The following SLC6A7 variants were observed in gnomAD, a reference collection of about 807,000 sequenced individuals.
SLC6A7 encodes the protein sodium-dependent proline transporter.
SLC6A7 carries 58 observed loss-of-function variants against 73.1 expected under a neutral mutation model. That is an observed-to-expected ratio of 0.79 (90% CI 0.64 to 0.99). The LOEUF (loss-of-function observed/expected upper bound fraction) is 0.99, where lower values mean the gene tolerates loss of function less well. Ranked by LOEUF, SLC6A7 falls within the 50% of genes least tolerant of loss-of-function variation. The probability of loss-of-function intolerance (pLI) is 0.00; values close to 1 mark genes in which losing one functional copy is unlikely to be tolerated. For synonymous variants in SLC6A7, 338 were observed against 338.7 expected (o/e 1.00, Z 0.02); for missense variants, 783 against 831.4 (o/e 0.94, Z 0.72).
At chr5:150,192,916 G>A (rs938129086) in intron 1 of SLC6A7, among the ~76,000 whole-genome samples, 1 of 152,168 alleles carries the variant, frequency 6.6e-6, no homozygotes, top group South Asian at 2.1e-4. Context: ...CATTCCTCCC[G>A]GAGCTCACCT....
intron 1 of SLC6A7, among the ~76,000 whole-genome samples, chr5:150,192,555 G>A (rs1481921283): frequency 6.6e-6 from 1 of 152,190 alleles, no homozygotes; most frequent in Non-Finnish European, 1.5e-5. Context: ...TCCTCACTGT[G>A]CCAGCCTCCT....
chr5:150,203,199 G>A (rs1030506080), intron 8 of SLC6A7, among the ~76,000 whole-genome samples: 7 of 152,196 alleles, frequency 4.6e-5, no homozygotes, highest in African/African-American at 1.2e-4. Context: ...GTGAGCAAAC[G>A]AGTGTGCATT....
At chr5:150,198,811 G>GGTGTGTGTGTGT (rs774414750) in intron 4 of SLC6A7, among the ~76,000 whole-genome samples, 87 of 112,086 alleles carry the variant, frequency 7.8e-4, no homozygotes, top group Non-Finnish European at 1.2e-3. Flanking sequence ...GGCCCTGGAT[G>GGTGTGTGTGTGT]GTGTGTGTGT....
chr5:150,203,486 A>G (rs1276824748), intron 8 of SLC6A7, among the ~76,000 whole-genome samples, 181 bp from the exon 9 acceptor site: 1 of 152,210 alleles, frequency 6.6e-6, no homozygotes, highest in Admixed American at 6.5e-5. Context: ...TCGAGCACCT[A>G]CAATGTGCTG....
rs1288836063 is a variant in SLC6A7 at position 150,202,461 on chromosome 5, C to T, written c.962+11C>T. The T allele has an allele frequency of 1.2e-6, 2 of 1,612,454 alleles. No individual in the cohort carries two copies. The highest frequency in any genetic ancestry group is 2.2e-5 in the South Asian group (2 of 91,034). On this transcript the variant is annotated intron_variant, in intron 7 of 13. Coordinates refer to ENST00000230671, the MANE Select transcript of SLC6A7 (RefSeq NM_014228.5). ...CCAGAACATCTATAGGTCAGTGTCCCACAGCCTCCCAGACCCTGGGGTCCA... is the reference window on the plus strand; with the variant it reads ...CCAGAACATCTATAGGTCAGTGTCCTACAGCCTCCCAGACCCTGGGGTCCA...
rs776085294 is a variant in SLC6A7 at position 150,203,792 on chromosome 5, T to G, written c.1200+13T>G. Reference sequence around the variant, plus strand: ...CCTAGATAGCCAGGTGAGTCTCGTCTGTGGCAGCAGGCACCCCGTGTGTGT... The same window carrying G: ...CCTAGATAGCCAGGTGAGTCTCGTCGGTGGCAGCAGGCACCCCGTGTGTGT... On this transcript the variant is annotated intron_variant, in intron 9 of 13. Coordinates refer to ENST00000230671, the MANE Select transcript of SLC6A7 (RefSeq NM_014228.5). 3 of 1,557,034 alleles carry G rather than the reference T, an allele frequency of 1.9e-6. No homozygotes were observed. In the South Asian group the frequency reaches 3.3e-5, roughly 17 times the overall value.
At chr5:150,191,086 T>C (rs1341003390) in intron 1 of SLC6A7, among the ~76,000 whole-genome samples, 1 of 152,218 alleles carries the variant, frequency 6.6e-6, no homozygotes, top group Non-Finnish European at 1.5e-5. Context: ...GGACGTTTTC[T>C]GGCTTGTACC....
chr5:150,190,343 G>A lies in SLC6A7; in HGVS notation c.16G>A (p.Gly6Arg). 6.6e-7 allele frequency: 1 copy of A among 1,508,542 alleles called. No homozygotes were observed. Among genetic ancestry groups the A allele is most frequent in the Non-Finnish European group, 8.9e-7 (1 of 1,129,850 alleles). 93.4% of individuals were successfully genotyped at this position (1,508,542 alleles called of 1,614,324 possible). The change falls in exon 1 of 14, where the codon GGA becomes AGA. Residue 6 changes from glycine (G) to arginine (R), a missense_variant. By Grantham distance (125) the Gly-to-Arg change is moderately radical. Transcript: ENST00000230671. MKKLQGAHLRKPVTPD... is the reference protein window; with the variant it reads MKKLQRAHLRKPVTPD... ...GCTCTCCAAGATGAAGAAGCTCCAGGGAGCTCACCTCCGCAAGGTAGGGCA... is the reference window on the plus strand; with the variant it reads ...GCTCTCCAAGATGAAGAAGCTCCAGAGAGCTCACCTCCGCAAGGTAGGGCA...
At position 150,202,669 on chromosome 5, in the gene SLC6A7, G is replaced by C; in HGVS notation, c.1053G>C (p.Glu351Asp). 6.2e-7 allele frequency: 1 copy of C among 1,614,214 alleles called. No homozygotes were observed. Among genetic ancestry groups the C allele is most frequent in the Non-Finnish European group, 8.5e-7 (1 of 1,180,036 alleles). Residue 351 changes from glutamate to aspartate, a missense_variant, in exon 8 of 14, where the codon GAG becomes GAC. By Grantham distance (45) the Glu-to-Asp change is conservative (BLOSUM62 2). Coordinates refer to ENST00000230671, the MANE Select transcript of SLC6A7 (RefSeq NM_014228.5). ...IFSVLGYMSQELGVPVDQVAK... is the reference protein window; with the variant it reads ...IFSVLGYMSQDLGVPVDQVAK... Reference sequence around the variant, plus strand: ...CCGTGCTGGGCTACATGTCTCAGGAGCTGGGCGTGCCTGTGGACCAAGTAG... The same window carrying C: ...CCGTGCTGGGCTACATGTCTCAGGACCTGGGCGTGCCTGTGGACCAAGTAG...
At chr5:150,198,091 G>GAA (rs761151730) in intron 4 of SLC6A7, among the ~76,000 whole-genome samples, 1 of 105,174 alleles carries the variant, frequency 9.5e-6, no homozygotes, top group Non-Finnish European at 2.2e-5. Context: ...AAGAAAGAAA[G>GAA]AAAGAAAGAA....
chr5:150,203,608 G>A, intron 8 of SLC6A7, 59 bp from the exon 9 acceptor site: 3 of 838,916 alleles, frequency 3.6e-6, no homozygotes, highest in Non-Finnish European at 6.2e-6. Flanking sequence ...GTGTCTGAGT[G>A]TGCGTATGGG....
chr5:150,198,081 A>AAGAAAGAAAGAAAGAAAGAAAG (rs1753138205), intron 4 of SLC6A7, among the ~76,000 whole-genome samples: 2 of 100,732 alleles, frequency 2.0e-5, no homozygotes, highest in Admixed American at 1.8e-4. Context: ...GAAAGAAAGA[A>AAGAAAGAAAGAAAGAAAGAAAG]AGAAAGAAAG....
chr5:150,201,839 T>C (rs1398898141), intron 6 of SLC6A7, among the ~76,000 whole-genome samples: 2 of 152,136 alleles, frequency 1.3e-5, no homozygotes, highest in African/African-American at 4.8e-5. Context: ...TACATGCATG[T>C]GTGTAGTGAT....
At chr5:150,191,530 A>G (rs1305498174) in intron 1 of SLC6A7, among the ~76,000 whole-genome samples, 1 of 151,146 alleles carries the variant, frequency 6.6e-6, no homozygotes, top group Admixed American at 6.6e-5. Context: ...TCCCGGGTTC[A>G]CGCCATTCTC....
chr5:150,193,616 A>G (rs563486961), intron 1 of SLC6A7, among the ~76,000 whole-genome samples: 4 of 152,182 alleles, frequency 2.6e-5, no homozygotes, highest in Non-Finnish European at 4.4e-5. Flanking sequence ...CATTTGAGCC[A>G]CGGAGCATCA....
rs1752703563 is a variant in SLC6A7 at position 150,190,171 on chromosome 5, CGCCCGCAGCCGCCAGACGGCA to C, written c.-154_-134del. 1 of 551,916 alleles carries C rather than the reference CGCCCGCAGCCGCCAGACGGCA, an allele frequency of 1.8e-6. No individual in the cohort carries two copies. Among genetic ancestry groups the C allele is most frequent in the South Asian group, 2.7e-5 (1 of 36,540 alleles). 34.2% of individuals were successfully genotyped at this position (551,916 alleles called of 1,614,324 possible). The stretch of plus-strand genomic sequence containing the variant: ...TTCGCAGCGCCCTGCCCGCGCTCCA[CGCCCGCAGCCGCCAGACGGCA>C]GCGCCTGCGTCCGTGCCCGCCCCAG... On this transcript the variant is annotated 5_prime_UTR_variant, in exon 1 of 14. Coordinates refer to ENST00000230671, the MANE Select transcript of SLC6A7 (RefSeq NM_014228.5).
rs545334774 is a variant in SLC6A7, at chr5:150,196,921, C to T, written c.349+74C>T. ...AGGCAGGGAGGTTGCCCCCAGAACC[C>T]CTGCCAGCTCCAGGCAGAGGTGGAA... On this transcript the variant is annotated intron_variant, in intron 3 of 13. Transcript: ENST00000230671. The T allele has an allele frequency of 3.4e-4, 530 of 1,547,000 alleles. 3 individuals carry two copies. In the African/African-American group the frequency reaches 6.6e-3, roughly 19 times the overall value.
In SLC6A7 at chr5:150,205,647, T is replaced by C. The variant is rs201159911; in HGVS notation, c.1701+24T>C. 486 of 1,588,100 alleles carry C rather than the reference T, an allele frequency of 3.1e-4. 3 individuals carry two copies. The highest frequency in any genetic ancestry group is 3.2e-4 in the South Asian group (28 of 86,586). ...AGGTGAGTCTGCCCACCCTGTCCACTCTCAGCCTTCCTGACCTGTGGCCTG... is the reference window on the plus strand; with the variant it reads ...AGGTGAGTCTGCCCACCCTGTCCACCCTCAGCCTTCCTGACCTGTGGCCTG... On this transcript the variant is annotated intron_variant, in intron 13 of 13. Transcript: ENST00000230671.
rs1399210922 is a variant in SLC6A7 at position 150,201,175 on chromosome 5, C to T, written c.810C>T (p.Gly270=). The T allele has an allele frequency of 6.2e-7, 1 of 1,613,510 alleles. No homozygotes were observed. The highest frequency in any genetic ancestry group is 8.5e-7 in the Non-Finnish European group (1 of 1,179,684). The change falls in exon 6 of 14, where the codon GGC becomes GGT. Residue 270 remains glycine, a synonymous_variant. Coordinates refer to ENST00000230671, the MANE Select transcript of SLC6A7 (RefSeq NM_014228.5). ...TCACCCTCCCAGGGGCCTGGAAGGG[C>T]ATCCAGTTCTATCTCACCCCCCAGT... The part of the protein sequence containing the change: ...RGVTLPGAWK[G]IQFYLTPQFH...
Sources: allele counts gnomAD v4.1 joint callset (sites outside exome capture counted in the v4.1 genomes callset), GRCh38; gene constraint gnomAD v4.1.1; transcripts MANE v1.5; gene names NCBI Gene and HGNC (gene_info 2026-07-23, HGNC 2026-07-21).